ATP2A3: variants seen among roughly 807,000 people sequenced by gnomAD.
ATP2A3 encodes the protein ATPase sarcoplasmic/endoplasmic reticulum Ca2+ transporting 3, also known as sarcoplasmic/endoplasmic reticulum calcium ATPase 3.
Under a neutral mutation model 106.8 loss-of-function variants are expected in ATP2A3, and 61 were observed. The observed-to-expected ratio is 0.57, with a 90% confidence interval of 0.46 to 0.71. The LOEUF (loss-of-function observed/expected upper bound fraction) is 0.71, where lower values mean the gene tolerates loss of function less well. Among genes scored for constraint, ATP2A3 ranks in the 30% least tolerant of loss-of-function variants. ATP2A3 has a pLI of 0.00. For synonymous variants in ATP2A3, 611 were observed against 609.3 expected (o/e 1.00, Z -0.04); for missense variants, 1,201 against 1,423.5 (o/e 0.84, Z 2.52).
At position 3,923,962 on chromosome 17, in the gene ATP2A3, C is replaced by A. The variant is rs1473946421; in HGVS notation, c.*1460G>T. ...CGCTCCTGCTAAGACCTCCCCACCT[C>A]CCCCCAGGAAAGAAGCAGAGAATCT... On this transcript the variant is annotated 3_prime_UTR_variant, in exon 21 of 21. Coordinates refer to ENST00000397041, the MANE Select transcript of ATP2A3 (RefSeq NM_005173.4). The A allele has an allele frequency of 6.6e-6, 1 of 152,160 alleles. No individual in the cohort carries two copies. Among genetic ancestry groups the A allele is most frequent in the Non-Finnish European group, 1.5e-5 (1 of 68,086 alleles). 9.4% of individuals were successfully genotyped at this position (152,160 alleles called of 1,614,324 possible).
rs1200024134 is a variant in ATP2A3, at chr17:3,944,722, C to G, written c.1269G>C (p.Ser423=). 2 of 1,613,166 alleles carry G rather than the reference C, an allele frequency of 1.2e-6. No homozygotes were observed. Among genetic ancestry groups the G allele is most frequent in the African/African-American group, 1.3e-5 (1 of 74,844 alleles). ...LATICALCND[S]ALDYNEAKGV... ...GGCCCACCTCGTTGTAGTCCAGAGC[C>G]GAGTCGTTGCACAGGGCGCAGATGG... Residue 423 remains serine, a synonymous_variant, in exon 10 of 21, where the codon TCG becomes TCC. Transcript: ENST00000397041.
chr17:3,941,221 G>T lies in ATP2A3; in HGVS notation c.1850C>A (p.Ala617Glu). 6.2e-7 allele frequency: 1 copy of T among 1,614,086 alleles called. No homozygotes were observed. The highest frequency in any genetic ancestry group is 1.1e-5 in the South Asian group (1 of 91,086). ...VAACITRCYQ[A>E]GIRVVMITGD... The stretch of plus-strand genomic sequence containing the variant: ...CGTGATCATGACCACGCGGATGCCC[G>T]CCTGGTAGCAGCGTGTGATGCAGGC... The change falls in exon 14 of 21, where the codon GCG becomes GAG. Residue 617 changes from alanine to glutamate, a missense_variant. This residue lies in a region of ATP2A3 where 935 missense variants were observed against 1,176.7 expected (regional missense o/e 0.79). Transcript: ENST00000397041.
Position 3,924,682 on chromosome 17 carries a change from C to A in ATP2A3, c.*740G>T, listed in dbSNP as rs1024982139. 1 of 422,750 alleles carries A rather than the reference C, an allele frequency of 2.4e-6. No individual in the cohort carries two copies. Among genetic ancestry groups the A allele is most frequent in the Non-Finnish European group, 4.8e-6 (1 of 209,568 alleles). 26.2% of individuals were successfully genotyped at this position (422,750 alleles called of 1,614,324 possible). Reference sequence around the variant, plus strand: ...CGGGGAACCCTGAGTCCAGGAGGCGCGCGGGGCTGAGGCAGTCCAGCCAGG... The same window carrying A: ...CGGGGAACCCTGAGTCCAGGAGGCGAGCGGGGCTGAGGCAGTCCAGCCAGG... On this transcript the variant is annotated 3_prime_UTR_variant, in exon 21 of 21. Coordinates refer to ENST00000397041, the MANE Select transcript of ATP2A3 (RefSeq NM_005173.4). The surrounding 1 kb of genome is among the most constrained non-coding windows in gnomAD (Gnocchi z 6.4).
At chr17:3,931,573 G>C (rs1323673353) in intron 17 of ATP2A3, among the ~76,000 whole-genome samples, 1 of 150,510 alleles carries the variant, frequency 6.6e-6, no homozygotes, top group African/African-American at 2.4e-5. Context: ...CCGAGCTGGA[G>C]TGCAGTGGCA....
At chr17:3,952,684 G>C (rs2054518656) in intron 3 of ATP2A3, among the ~76,000 whole-genome samples, 1 of 152,130 alleles carries the variant, frequency 6.6e-6, no homozygotes, top group Non-Finnish European at 1.5e-5. Flanking sequence ...CATCCTCCTG[G>C]GCCCAAGCAA....
chr17:3,958,825 T>TATATATACACACACAC (rs2054959561), intron 1 of ATP2A3, among the ~76,000 whole-genome samples: 1 of 138,298 alleles, frequency 7.2e-6, no homozygotes, highest in Non-Finnish European at 1.5e-5. Flanking sequence ...TATACACACA[T>TATATATACACACACAC]ATATATACAC....
rs569962054 is a variant in ATP2A3 at position 3,929,720 on chromosome 17, C to G, written c.2745-275G>C. Among the ~76,000 whole-genome samples the G allele has an allele frequency of 1.3e-5, 2 of 152,252 alleles. No individual in the cohort carries two copies. The highest frequency in any genetic ancestry group is 4.1e-4 in the South Asian group (2 of 4,830). On this transcript the variant is annotated intron_variant, in intron 18 of 20. Transcript: ENST00000397041. The surrounding 1 kb of genome is among the most constrained non-coding windows in gnomAD (Gnocchi z 4.3). The stretch of plus-strand genomic sequence containing the variant: ...GAATCCTCTCTGGGCCCCTTTGACC[C>G]TTAGGCCCCAATCCAGATCCCCAAA...
At chr17:3,944,966 C>T (rs1215167861) in intron 9 of ATP2A3, 94 bp downstream of exon 9, 2 of 1,318,282 alleles carry the variant, frequency 1.5e-6, no homozygotes, top group African/African-American at 1.6e-5. Context: ...CCTCCTGGCC[C>T]GCCCCCAGGG....
chr17:3,944,989 C>T, intron 9 of ATP2A3, 71 bp downstream of exon 9: 1 of 1,337,644 alleles, frequency 7.5e-7, no homozygotes, highest in Non-Finnish European at 9.7e-7. Context: ...CTCCCACGGC[C>T]ACCTCGGCGC....
chr17:3,960,092 G>A (rs111631510), intron 1 of ATP2A3, among the ~76,000 whole-genome samples: 6 of 152,308 alleles, frequency 3.9e-5, no homozygotes, highest in Admixed American at 2.6e-4. Context: ...CTCAGATCCC[G>A]CAAGGCCCTT....
chr17:3,957,714 C>T (rs2054861171), intron 1 of ATP2A3, among the ~76,000 whole-genome samples: 1 of 152,264 alleles, frequency 6.6e-6, no homozygotes, highest in Non-Finnish European at 1.5e-5. Context: ...TGCCTCCTTC[C>T]TTGCTCTCTC....
intron 20 of ATP2A3, chr17:3,927,360 T>C (rs1436668842): frequency 2.0e-6 from 2 of 985,480 alleles, no homozygotes; most frequent in African/African-American, 3.5e-5. Flanking sequence ...TCCTAGGCAG[T>C]TGTGGCCATT....
At chr17:3,934,521 TC>T (rs2053310592) in intron 17 of ATP2A3, among the ~76,000 whole-genome samples, 1 of 103,432 alleles carries the variant, frequency 9.7e-6, no homozygotes, top group South Asian at 2.8e-4. Context: ...TCCCCTCGAT[TC>T]TTTTTTTTTT....
intron 1 of ATP2A3, among the ~76,000 whole-genome samples, chr17:3,956,308 C>A (rs1250081395): frequency 6.6e-6 from 1 of 152,176 alleles, no homozygotes; most frequent in Admixed American, 6.5e-5. Context: ...TCTCCCCCAC[C>A]TTGTGGGCAC....
intron 1 of ATP2A3, among the ~76,000 whole-genome samples, chr17:3,958,530 G>A (rs1478969995): frequency 6.6e-6 from 1 of 151,872 alleles, no homozygotes; most frequent in African/African-American, 2.4e-5. Flanking sequence ...TGCCCTTCTA[G>A]GATCATGTCT....
Position 3,953,180 on chromosome 17 carries a change from A to T in ATP2A3, c.219+167T>A. 4.0e-6 allele frequency: 3 copies of T among 752,148 alleles called. No individual in the cohort carries two copies. The highest frequency in any genetic ancestry group is 2.6e-5 in the East Asian group (1 of 38,034). 46.6% of individuals were successfully genotyped at this position (752,148 alleles called of 1,614,324 possible). On this transcript the variant is annotated intron_variant, in intron 3 of 20. Coordinates refer to ENST00000397041, the MANE Select transcript of ATP2A3 (RefSeq NM_005173.4). The surrounding 1 kb of genome is among the most constrained non-coding windows in gnomAD (Gnocchi z 5.1). ...CCCAATGTAGGGGCCATGAGGGTTC[A>T]GGCAAGGGAAGCTGAAGTCTGAGCA...
chr17:3,936,492 A>G lies in ATP2A3; in HGVS notation c.2322-23T>C, dbSNP rs2053448744. 6.2e-7 allele frequency: 1 copy of G among 1,612,748 alleles called. No individual in the cohort carries two copies. Among genetic ancestry groups the G allele is most frequent in the Non-Finnish European group, 8.5e-7 (1 of 1,179,644 alleles). On this transcript the variant is annotated intron_variant, in intron 15 of 20. Transcript: ENST00000397041. The surrounding 1 kb of genome is among the most constrained non-coding windows in gnomAD (Gnocchi z 5.4). ...ATGCTGGAACAGAGTCATGAGCTCT[A>G]GCCCCGGTAGGCCTAGCCCCCGGCA... is the stretch of plus-strand genomic sequence containing the variant.
rs2052902257 is a variant in ATP2A3, at chr17:3,929,260, G to C, written c.2862+68C>G. On this transcript the variant is annotated intron_variant, in intron 19 of 20. Transcript: ENST00000397041. The surrounding 1 kb of genome is among the most constrained non-coding windows in gnomAD (Gnocchi z 4.3). ...TTTCCATTGCAGGGGGGCCAGAGAG[G>C]TCCAGTGACCAGCCCAGGGCCTGTG... 26 of 1,401,128 alleles carry C rather than the reference G, an allele frequency of 1.9e-5. No homozygotes were observed. Among genetic ancestry groups the C allele is most frequent in the Non-Finnish European group, 2.6e-5 (26 of 1,017,526 alleles). The allele number at this position is 1,401,128 out of a possible 1,614,324, so 86.8% of individuals were successfully genotyped here.
chr17:3,964,225 C>G lies in ATP2A3; in HGVS notation c.67G>C (p.Gly23Arg). ...CCGGTCACCTGCGCCGGGCTCAGGC[C>G]GCCCTCGGCTGTCACCGAGAAGTGG... ...LRHFSVTAEG[G>R]LSPAQVTGAR... The change falls in exon 1 of 21, where the codon GGC (glycine) becomes CGC (arginine). Residue 23 changes from glycine to arginine, a missense_variant. Physicochemically the swap from Gly to Arg is moderately radical, Grantham distance 125 (BLOSUM62 -2). Coordinates refer to ENST00000397041, the MANE Select transcript of ATP2A3 (RefSeq NM_005173.4). 1 of 1,276,016 alleles carries G rather than the reference C, an allele frequency of 7.8e-7. No individual in the cohort carries two copies. The highest frequency in any genetic ancestry group is 1.7e-5 in the South Asian group (1 of 57,396). 79.0% of individuals were successfully genotyped at this position (1,276,016 alleles called of 1,614,324 possible). A position where few individuals can be genotyped will look rare whatever the true frequency, so the allele number is the denominator to read the frequency against.
Sources: gnomAD v4.1 joint callset for allele counts (sites outside exome capture counted in the v4.1 genomes callset) on GRCh38, gnomAD v4.1.1 for gene constraint, gnomAD v4.1.1 regional missense constraint, Gnocchi (gnomAD v3.1) non-coding constraint, MANE v1.5 for transcripts, NCBI Gene and HGNC (gene_info 2026-07-23, HGNC 2026-07-21) for gene names.